Variants in ZNF177 observed in about 807,000 individuals in gnomAD.
ZNF177 encodes zinc finger protein 177.
A neutral mutation model predicts 19.4 loss-of-function variants in ZNF177; 17 were observed. That is an observed-to-expected ratio of 0.87 (90% confidence interval 0.60 to 1.31). The LOEUF (loss-of-function observed/expected upper bound fraction) is 1.31. ZNF177 is among the 40% of genes most tolerant of loss of function. ZNF177 has a pLI of 0.00. For synonymous variants in ZNF177, 220 were observed against 188.7 expected (o/e 1.17, Z -1.36); for missense variants, 633 against 561.8 (o/e 1.13, Z -1.28).
exon 6 of ZNF177, chr19:9,381,104 G>A (rs1380368875): frequency 1.4e-5 from 22 of 1,613,108 alleles, no homozygotes; most frequent in Non-Finnish European, 1.8e-5. Context: ...GGTTTGGAAT[G>A]TAATGAACAT....
At chr19:9,382,427 T>G (rs946737902), downstream of ZNF177, 30 of 398,568 alleles carry the variant, frequency 7.5e-5, no homozygotes, top group African/African-American at 6.2e-4. Flanking sequence ...GGATACTAAA[T>G]GAAACAACAG....
rs2068187092 is a variant in ZNF177, at chr19:9,380,885, T to TTCTA, written c.554_555insTCTA (p.Asn186LeufsTer23). ...GAATTTACTGATTGTAGAAAAGCTT[T>TTCTA]CAATCAAGAGTCATCCCTCAGGAAA... is the stretch of plus-strand genomic sequence containing the variant. On this transcript the variant is annotated frameshift_variant, in exon 6 of 6. Coordinates refer to ENST00000589262, the Ensembl canonical transcript of ZNF177. LOFTEE classifies it low-confidence loss of function (END_TRUNC). The TTCTA allele has an allele frequency of 6.5e-7, 1 of 1,536,112 alleles. No homozygotes were observed.
chr19:9,382,435 C>G (rs545670717), downstream of ZNF177: 2 of 398,596 alleles, frequency 5.0e-6, no homozygotes, highest in South Asian at 1.3e-4. Flanking sequence ...AATGAAACAA[C>G]AGGGGAGATA....
chr19:9,382,156 T>C (rs893905214), exon 6 of ZNF177: 2 of 399,276 alleles, frequency 5.0e-6, no homozygotes, highest in Admixed American at 4.0e-5. Flanking sequence ...TCCTCCCTTC[T>C]TTCTTAAAGT....
chr19:9,381,886 C>T, exon 6 of ZNF177: 2 of 1,465,874 alleles, frequency 1.4e-6, no homozygotes, highest in South Asian at 2.8e-5. Flanking sequence ...TCTGGCCCAA[C>T]TCTGGATGCC....
At chr19:9,380,180 A>AC in intron 5 of ZNF177, 41 bp downstream of exon 7, 1 of 1,568,102 alleles carries the variant, frequency 6.4e-7, no homozygotes, top group Non-Finnish European at 8.6e-7. Context: ...TTGTAGTAGA[A>AC]GTCTGGGAAT....
upstream of ZNF177, among the ~76,000 whole-genome samples, chr19:9,371,956 T>C (rs947918116): frequency 3.3e-5 from 5 of 152,322 alleles, no homozygotes; most frequent in Admixed American, 6.5e-5. Flanking sequence ...TTTTATATAT[T>C]TTAAAATATA....
chr19:9,377,612 G>C (rs76882869), intron 1 of ZNF177, among the ~76,000 whole-genome samples: 2,162 of 152,196 alleles, frequency 0.014, 31 homozygotes, highest in African/African-American at 0.027. Context: ...AAATCGGGCA[G>C]GCAAAAAGGG....
At chr19:9,372,331 G>A (rs1264710407), upstream of ZNF177, among the ~76,000 whole-genome samples, 8 of 152,126 alleles carry the variant, frequency 5.3e-5, no homozygotes, top group Non-Finnish European at 8.8e-5. Flanking sequence ...TATACCTGAT[G>A]GGTACAGTTC....
At chr19:9,367,729 A>G (rs1015456182) in intron 2 of ZNF177, among the ~76,000 whole-genome samples, 1 of 152,212 alleles carries the variant, frequency 6.6e-6, no homozygotes, top group African/African-American at 2.4e-5. Flanking sequence ...TTGATAAGTT[A>G]AACTGTTTTG....
At chr19:9,380,639 C>T (rs1226323229) in intron 5 of ZNF177, 29 bp from the exon 8 acceptor site, 47 of 1,535,872 alleles carry the variant, frequency 3.1e-5, no homozygotes, top group Non-Finnish European at 4.0e-5. Flanking sequence ...GAAAAAGCCT[C>T]TAGTCACCAC....
chr19:9,366,815 CA>C (rs1167536300), intron 2 of ZNF177, among the ~76,000 whole-genome samples: 1 of 152,102 alleles, frequency 6.6e-6, no homozygotes, highest in East Asian at 1.9e-4. Flanking sequence ...CTCCCCTCCA[CA>C]AAAAAACAAG....
In ZNF177 at chr19:9,380,884, T is replaced by TTCAA; in HGVS notation, c.558_561dup (p.Glu188SerfsTer21). ...TGAATTTACTGATTGTAGAAAAGCT[T>TTCAA]TCAATCAAGAGTCATCCCTCAGGAA... On this transcript the variant is annotated frameshift_variant, in exon 6 of 6. Coordinates refer to ENST00000589262, the Ensembl canonical transcript of ZNF177. LOFTEE classifies it low-confidence loss of function (END_TRUNC). 1 of 1,536,114 alleles carries TTCAA rather than the reference T, an allele frequency of 6.5e-7. No homozygotes were observed.
chr19:9,378,453 T>A, intron 2 of ZNF177, 109 bp downstream of exon 4: 11 of 1,526,694 alleles, frequency 7.2e-6, no homozygotes, highest in Non-Finnish European at 9.8e-6. Flanking sequence ...TGGCTTCATC[T>A]TCCGCAGCTC....
At chr19:9,380,872 T>G (rs1303482708) in exon 6 of ZNF177, 1 of 1,535,988 alleles carries the variant, frequency 6.5e-7, no homozygotes, top group Non-Finnish European at 8.7e-7. Context: ...ATTTACTGAT[T>G]GTAGAAAAGC....
chr19:9,376,414 T>C (rs762976327), exon 1 of ZNF177: 1 of 152,240 alleles, frequency 6.6e-6, no homozygotes, highest in Non-Finnish European at 1.5e-5. Flanking sequence ...TTTAAAGTAA[T>C]TATTGATGGG....
intron 2 of ZNF177, 56 bp downstream of exon 4, chr19:9,378,400 C>T (rs2068142091): frequency 6.2e-7 from 1 of 1,608,442 alleles, no homozygotes; most frequent in African/African-American, 1.3e-5. Context: ...GAAAAGAACA[C>T]ATCTCTTGCC....
intron 1 of ZNF177, among the ~76,000 whole-genome samples, chr19:9,376,812 C>A (rs991684989): frequency 6.6e-6 from 1 of 151,590 alleles, no homozygotes; most frequent in Non-Finnish European, 1.5e-5. Flanking sequence ...ATTTAGATAC[C>A]ACTGTTACAG....
chr19:9,364,074 G>T (rs138467745), intron 1 of ZNF177, among the ~76,000 whole-genome samples: 13 of 152,290 alleles, frequency 8.5e-5, no homozygotes, highest in Non-Finnish European at 1.2e-4. Context: ...GTGCAACCAT[G>T]ACTACAATCT....
Sources: gnomAD v4.1 joint callset for allele counts (sites outside exome capture counted in the v4.1 genomes callset) on GRCh38, gnomAD v4.1.1 for gene constraint, MANE v1.5 for transcripts, NCBI Gene and HGNC (gene_info 2026-07-23, HGNC 2026-07-21) for gene names.